The following IL1RAPL2 variants were observed in gnomAD, a reference collection of about 807,000 sequenced individuals.
The protein encoded by IL1RAPL2 is X-linked interleukin-1 receptor accessory protein-like 2.
IL1RAPL2 carries 3 observed loss-of-function variants against 44.1 expected under a neutral mutation model. The ratio of observed to expected loss-of-function variants is 0.07; its 90% CI spans 0.03 to 0.18. The LOEUF is 0.18. Among genes scored for constraint, IL1RAPL2 ranks in the 10% least tolerant of loss-of-function variants. The pLI, the probability that IL1RAPL2 is intolerant of heterozygous loss-of-function variation, is 1.00. For synonymous variants in IL1RAPL2, 181 were observed against 178.8 expected (o/e 1.01, Z -0.10); for missense variants, 391 against 496.4 (o/e 0.79, Z 2.02).
intron 2 of IL1RAPL2, among the ~76,000 whole-genome samples, chrX:105,104,111 G>A (rs2032706687): frequency 9.0e-6 from 1 of 111,437 alleles, no homozygotes; most frequent in Non-Finnish European, 1.9e-5. Context: ...GTGGGTTCTA[G>A]TTTAGCTGAG....
intron 6 of IL1RAPL2, among the ~76,000 whole-genome samples, chrX:105,494,543 T>C (rs2036343292): frequency 8.9e-6 from 1 of 111,806 alleles, no homozygotes; most frequent in African/African-American, 3.2e-5. Flanking sequence ...TTCCATTAAT[T>C]GTCCTCTATA....
At chrX:104,605,850 C>T (rs914094146) in intron 1 of IL1RAPL2, among the ~76,000 whole-genome samples, 7 of 111,417 alleles carry the variant, frequency 6.3e-5, no homozygotes, top group Non-Finnish European at 7.5e-5. Flanking sequence ...CAAAAAAAGC[C>T]CAGGACCAGA....
chrX:105,745,886 T>A (rs1042893934), intron 8 of IL1RAPL2, among the ~76,000 whole-genome samples: 1 of 111,398 alleles, frequency 9.0e-6, no homozygotes, highest in East Asian at 2.8e-4. Flanking sequence ...CTTCACTTTG[T>A]TGACCTGGTT....
rs73638481 is a variant in IL1RAPL2 at position 105,185,736 on chromosome X, T to G, written c.83-9739T>G. On this transcript the variant is annotated intron_variant, in intron 2 of 10. Transcript: ENST00000372582. Reference sequence around the variant, plus strand: ...GTCAAGCCACAAGGATTTTATTCGCTTCACAATTCTCTACTTATTGGGACA... The same window carrying G: ...GTCAAGCCACAAGGATTTTATTCGCGTCACAATTCTCTACTTATTGGGACA... Among the ~76,000 whole-genome samples the G allele has an allele frequency of 8.5e-3, 952 of 112,349 alleles. 12 individuals are homozygous for G. The highest frequency in any genetic ancestry group is 0.03 in the African/African-American group (915 of 30,888).
intron 5 of IL1RAPL2, among the ~76,000 whole-genome samples, chrX:105,442,529 G>T (rs918153414): frequency 2.7e-5 from 3 of 111,848 alleles, no homozygotes; most frequent in Non-Finnish European, 1.9e-5. Context: ...AAACTTTGTG[G>T]CACGTTTTTA....
In IL1RAPL2 at chrX:105,634,395, G is replaced by C. The variant is rs774359598; in HGVS notation, c.773-82972G>C. 5.4e-5 allele frequency among the ~76,000 whole-genome samples: 6 copies of C among 111,039 alleles called. No individual in the cohort carries two copies. In the East Asian group the frequency reaches 1.4e-3, roughly 27 times the overall value. ...ATGCCAGAATCTATTCAAATGTAGA[G>C]AGAAAATGTTACAATGAAGTACCTT... is the stretch of plus-strand genomic sequence containing the variant. On this transcript the variant is annotated intron_variant, in intron 6 of 10. Coordinates refer to ENST00000372582, the MANE Select transcript of IL1RAPL2 (RefSeq NM_017416.2).
intron 2 of IL1RAPL2, among the ~76,000 whole-genome samples, chrX:105,178,797 G>A: frequency 9.0e-6 from 1 of 111,588 alleles, no homozygotes; most frequent in African/African-American, 3.2e-5. Context: ...GTCTTCTTTT[G>A]AGAAGTGTCT....
chrX:104,682,461 A>G (rs1330600384), intron 2 of IL1RAPL2, among the ~76,000 whole-genome samples: 1 of 112,466 alleles, frequency 8.9e-6, no homozygotes, highest in African/African-American at 3.2e-5. Context: ...ACAGAATAGA[A>G]TCAGAGAATA....
chrX:105,480,604 A>G (rs1238575609), intron 5 of IL1RAPL2, among the ~76,000 whole-genome samples: 2 of 112,193 alleles, frequency 1.8e-5, no homozygotes, highest in Non-Finnish European at 3.8e-5. Context: ...TCAGACCCCA[A>G]TTAGTCCCCC....
chrX:105,250,628 G>A (rs1441862897), intron 4 of IL1RAPL2, among the ~76,000 whole-genome samples: 1 of 110,808 alleles, frequency 9.0e-6, no homozygotes, highest in Non-Finnish European at 1.9e-5. Context: ...GAGACAACAT[G>A]TTTCTGCATG....
In IL1RAPL2 at chrX:105,046,836, T is replaced by TTG. The variant is rs1556036881; in HGVS notation, c.83-148639_83-148638insTG. On this transcript the variant is annotated intron_variant, in intron 2 of 10. Coordinates refer to ENST00000372582, the MANE Select transcript of IL1RAPL2 (RefSeq NM_017416.2). ...AAGCACTAACCTTTTTTTTTTTTTT[T>TTG]GGGGGGGTGCTAGACCTAGTAAAAG... 8.5e-3 allele frequency among the ~76,000 whole-genome samples: 842 copies of TTG among 99,393 alleles called. 17 individuals carry two copies. Among genetic ancestry groups the TTG allele is most frequent in the African/African-American group, 0.029 (781 of 26,477 alleles). The allele number at this position is 99,393 out of a possible 115,157, so 86.3% of individuals were successfully genotyped here. A position where few individuals can be genotyped will look rare whatever the true frequency, so the allele number is the denominator to read the frequency against.
At chrX:104,770,837 C>G (rs1932630557) in intron 2 of IL1RAPL2, among the ~76,000 whole-genome samples, 1 of 111,495 alleles carries the variant, frequency 9.0e-6, no homozygotes, top group Admixed American at 9.6e-5. Flanking sequence ...ATTTCATCAC[C>G]CAAGTATGAA....
chrX:105,536,202 C>G (rs981537873), intron 6 of IL1RAPL2, among the ~76,000 whole-genome samples: 1 of 110,439 alleles, frequency 9.1e-6, no homozygotes, highest in Non-Finnish European at 1.9e-5. Context: ...AATATAACTT[C>G]AGACCTCTAT....
chrX:104,575,528 A>G (rs1928228656), intron 1 of IL1RAPL2, among the ~76,000 whole-genome samples: 1 of 111,442 alleles, frequency 9.0e-6, no homozygotes, highest in Non-Finnish European at 1.9e-5. Flanking sequence ...CATGTAGTGT[A>G]ATTTTCTGCT....
intron 2 of IL1RAPL2, among the ~76,000 whole-genome samples, chrX:105,047,741 T>A (rs2031860143): frequency 8.9e-6 from 1 of 111,858 alleles, no homozygotes; most frequent in Non-Finnish European, 1.9e-5. Flanking sequence ...TCTGATTCAA[T>A]ATTCATACCT....
chrX:105,203,397 G>A (rs2033734061), intron 3 of IL1RAPL2, among the ~76,000 whole-genome samples: 1 of 112,043 alleles, frequency 8.9e-6, no homozygotes, highest in Admixed American at 9.5e-5. Context: ...TTTGGAAAAA[G>A]CTACTTTAAA....
At chrX:104,631,906 A>G (rs1278429762) in intron 1 of IL1RAPL2, among the ~76,000 whole-genome samples, 18 of 109,934 alleles carry the variant, frequency 1.6e-4, no homozygotes, top group Non-Finnish European at 3.4e-4. Context: ...TTAGACATGA[A>G]GTCCTTGCCC....
intron 2 of IL1RAPL2, among the ~76,000 whole-genome samples, chrX:104,717,874 C>G (rs1931604387): frequency 9.2e-6 from 1 of 108,988 alleles, no homozygotes; most frequent in Non-Finnish European, 1.9e-5. Flanking sequence ...TTTGTCATTG[C>G]GATAGTTTGC....
chrX:105,525,221 G>T (rs2036587716), intron 6 of IL1RAPL2, among the ~76,000 whole-genome samples: 1 of 111,113 alleles, frequency 9.0e-6, no homozygotes, highest in Non-Finnish European at 1.9e-5. Context: ...CCAAACAAAT[G>T]ATACAATATA....
Sources: gnomAD v4.1 joint callset for allele counts (sites outside exome capture counted in the v4.1 genomes callset) on GRCh38, gnomAD v4.1.1 for gene constraint, MANE v1.5 for transcripts, NCBI Gene and HGNC (gene_info 2026-07-23, HGNC 2026-07-21) for gene names.